ARPC5: variants seen among roughly 807,000 people sequenced by gnomAD.
ARPC5 encodes actin-related protein 2/3 complex subunit 5.
A neutral mutation model predicts 15.4 loss-of-function variants in ARPC5; 5 were observed. That is an observed-to-expected ratio of 0.32 (90% CI 0.17 to 0.68). The LOEUF (loss-of-function observed/expected upper bound fraction) is 0.68. ARPC5 is among the 30% of genes least tolerant of loss of function. The pLI is 0.71. For synonymous variants in ARPC5, 85 were observed against 72.2 expected (o/e 1.18, Z -0.90); for missense variants, 138 against 192.8 (o/e 0.72, Z 1.68).
In ARPC5 at chr1:183,623,572, G is replaced by A; in HGVS notation, c.*3960C>T. 6.6e-7 allele frequency: 1 copy of A among 1,513,868 alleles called. No homozygotes were observed. The highest frequency in any genetic ancestry group is 9.0e-7 in the Non-Finnish European group (1 of 1,115,226). The allele number at this position is 1,513,868 out of a possible 1,614,324, so 93.8% of individuals were successfully genotyped here. ...GGCAGAGGTCCCGCGGCAGGAATAT[G>A]GACAGAAGCAGCCTTGTTTAAGGGC... On this transcript the variant is annotated 3_prime_UTR_variant, in exon 4 of 4. Coordinates refer to ENST00000359856, the MANE Select transcript of ARPC5 (RefSeq NM_005717.4).
At chr1:183,632,948 T>C (rs988245444) in intron 2 of ARPC5, 134 bp downstream of exon 2, 4 of 680,668 alleles carry the variant, frequency 5.9e-6, no homozygotes, top group Middle Eastern at 2.7e-4. Context: ...TTTTTACCTA[T>C]CAAACTACAT....
At chr1:183,630,689 T>C in intron 2 of ARPC5, 52 bp from the exon 3 acceptor site, 1 of 1,530,972 alleles carries the variant, frequency 6.5e-7, no homozygotes. Flanking sequence ...ATGAGGAGGG[T>C]TTAGAATTTC....
At position 183,623,752 on chromosome 1, in the gene ARPC5, G is replaced by A. The variant is rs960774361; in HGVS notation, c.*3780C>T. The A allele has an allele frequency of 1.7e-5, 8 of 478,826 alleles. No homozygotes were observed. The highest frequency in any genetic ancestry group is 4.7e-5 in the South Asian group (2 of 42,422). 29.7% of individuals were successfully genotyped at this position (478,826 alleles called of 1,614,324 possible). On this transcript the variant is annotated 3_prime_UTR_variant, in exon 4 of 4. Transcript: ENST00000359856. ...AAAATTAATCAATCTGGCTGGGCGC[G>A]GTGGTCACGCCTGTAATCCCAGTGC...
rs772270768 is a variant in ARPC5, at chr1:183,623,430, C to A, written c.*4102G>T. ...AGATGACATGCTGTACCTCTGTGGG[C>A]TTCCCGGGCCTCCTCCATATCTGGA... On this transcript the variant is annotated 3_prime_UTR_variant, in exon 4 of 4. Coordinates refer to ENST00000359856, the MANE Select transcript of ARPC5 (RefSeq NM_005717.4). 8.2e-5 allele frequency: 127 copies of A among 1,550,356 alleles called. No homozygotes were observed. Among genetic ancestry groups the A allele is most frequent in the Non-Finnish European group, 5.3e-5 (61 of 1,146,946 alleles).
At chr1:183,628,519 G>T (rs958757180) in intron 3 of ARPC5, among the ~76,000 whole-genome samples, 2 of 152,110 alleles carry the variant, frequency 1.3e-5, no homozygotes, top group African/African-American at 2.4e-5. Flanking sequence ...TAGATGCTGG[G>T]GATACAAAAG....
Position 183,623,676 on chromosome 1 carries a change from T to G in ARPC5, c.*3856A>C, listed in dbSNP as rs913004965. Reference sequence around the variant, plus strand: ...TTATTTTGGTGCTTTTAACATATTTTGTCTGTAAGGGGATGTTAGTTGTAA... The same window carrying G: ...TTATTTTGGTGCTTTTAACATATTTGGTCTGTAAGGGGATGTTAGTTGTAA... On this transcript the variant is annotated 3_prime_UTR_variant, in exon 4 of 4. Coordinates refer to ENST00000359856, the MANE Select transcript of ARPC5 (RefSeq NM_005717.4). 1.6e-6 allele frequency: 1 copy of G among 638,766 alleles called. No individual in the cohort carries two copies. The highest frequency in any genetic ancestry group is 2.7e-6 in the Non-Finnish European group (1 of 374,310). 39.6% of individuals were successfully genotyped at this position (638,766 alleles called of 1,614,324 possible). A position where few individuals can be genotyped will look rare whatever the true frequency, so the allele number is the denominator to read the frequency against.
At position 183,635,693 on chromosome 1, in the gene ARPC5, G is replaced by A. The variant is rs367883534; in HGVS notation, c.-34C>T. On this transcript the variant is annotated 5_prime_UTR_variant, in exon 1 of 4. Transcript: ENST00000359856. Reference sequence around the variant, plus strand: ...CGACCAGCGGCAAAGGCCTCTTCTTGGCGCTGCCTCTACCTCAGCAAGCCC... The same window carrying A: ...CGACCAGCGGCAAAGGCCTCTTCTTAGCGCTGCCTCTACCTCAGCAAGCCC... The A allele has an allele frequency of 6.2e-7, 1 of 1,601,344 alleles. No homozygotes were observed. Among genetic ancestry groups the A allele is most frequent in the South Asian group, 1.1e-5 (1 of 89,276 alleles).
At chr1:183,631,959 C>T (rs549951962) in intron 2 of ARPC5, 32 of 152,218 alleles carry the variant, frequency 2.1e-4, no homozygotes, top group Non-Finnish European at 3.7e-4. Context: ...GTTTCTACCA[C>T]CTACTGTTAT....
Position 183,630,478 on chromosome 1 carries a change from G to A in ARPC5, c.376C>T (p.Leu126=). ...SPSDNSSAML[L]QWHEKALAAG... ...TAACTTACCTTTTCATGCCATTGCAGTAACATAGCACTGCTATTGTCAGAC... is the reference window on the plus strand; with the variant it reads ...TAACTTACCTTTTCATGCCATTGCAATAACATAGCACTGCTATTGTCAGAC... The change falls in exon 3 of 4, where the codon CTG becomes TTG. Residue 126 remains leucine (L), a synonymous_variant. Coordinates refer to ENST00000359856, the MANE Select transcript of ARPC5 (RefSeq NM_005717.4). 1.2e-6 allele frequency: 2 copies of A among 1,607,352 alleles called. No homozygotes were observed. The highest frequency in any genetic ancestry group is 1.1e-5 in the South Asian group (1 of 89,806).
At position 183,621,810 on chromosome 1, in the gene ARPC5, G is replaced by A. The variant is rs922562628; in HGVS notation, c.*5722C>T. The A allele has an allele frequency of 7.9e-5, 12 of 152,330 alleles. No individual in the cohort carries two copies. Among genetic ancestry groups the A allele is most frequent in the South Asian group, 4.1e-4 (2 of 4,824 alleles). The allele number at this position is 152,330 out of a possible 1,614,324, so 9.4% of individuals were successfully genotyped here. A position where few individuals can be genotyped will look rare whatever the true frequency, so the allele number is the denominator to read the frequency against. On this transcript the variant is annotated 3_prime_UTR_variant, in exon 4 of 4. Coordinates refer to ENST00000359856, the MANE Select transcript of ARPC5 (RefSeq NM_005717.4). The stretch of plus-strand genomic sequence containing the variant: ...CAGAGGTCACTTTCATTGCCATCTT[G>A]GATTTGGTGGGTTTTGGCCAGCTTC...
Position 183,622,235 on chromosome 1 carries a change from T to A in ARPC5, c.*5297A>T, listed in dbSNP as rs1186645285. On this transcript the variant is annotated 3_prime_UTR_variant, in exon 4 of 4. Transcript: ENST00000359856. ...TTGGTTGTCAAAAGAGGAACTAGGG[T>A]GGAATGGAAAATTACCACAGTACAT... 1 of 152,094 alleles carries A rather than the reference T, an allele frequency of 6.6e-6. No individual in the cohort carries two copies. Among genetic ancestry groups the A allele is most frequent in the East Asian group, 1.9e-4 (1 of 5,198 alleles). The allele number at this position is 152,094 out of a possible 1,614,324, so 9.4% of individuals were successfully genotyped here.
At chr1:183,632,243 T>C (rs1028215311) in intron 2 of ARPC5, 1 of 152,184 alleles carries the variant, frequency 6.6e-6, no homozygotes, top group Admixed American at 6.5e-5. Flanking sequence ...GTAAATAGGT[T>C]AAGAATTAGT....
chr1:183,635,479 C>A (rs766711249), intron 1 of ARPC5, 38 bp downstream of exon 1: 2 of 969,838 alleles, frequency 2.1e-6, no homozygotes, highest in Non-Finnish European at 3.0e-6. Flanking sequence ...GCGGGCTGGG[C>A]TGGGCTGGGG....
In ARPC5 at chr1:183,630,588, T is replaced by C. The variant is rs1428639914; in HGVS notation, c.266A>G (p.Asn89Ser). 2.5e-6 allele frequency: 4 copies of C among 1,614,028 alleles called. No homozygotes were observed. Among genetic ancestry groups the C allele is most frequent in the Non-Finnish European group, 3.4e-6 (4 of 1,180,010 alleles). The change falls in exon 3 of 4, where the codon AAT (asparagine) becomes AGT (serine). Residue 89 changes from asparagine (N) to serine (S), a missense_variant. Physicochemically the swap from Asn to Ser is conservative, Grantham distance 46. Transcript: ENST00000359856. Reference sequence around the variant, plus strand: ...AGATTGAACTGCCTTTTCTATATCATTAGCTTTAAAAGAGATGAGCACCTT... The same window carrying C: ...AGATTGAACTGCCTTTTCTATATCACTAGCTTTAAAAGAGATGAGCACCTT... ...VLKVLISFKANDIEKAVQSLD... is the reference protein window; with the variant it reads ...VLKVLISFKASDIEKAVQSLD...
chr1:183,633,882 A>G (rs6698036), intron 1 of ARPC5: 12,516 of 152,256 alleles, frequency 0.082, 1,019 homozygotes, highest in African/African-American at 0.21. Flanking sequence ...AGAATGTACA[A>G]ACATTCCCCT....
At position 183,623,562 on chromosome 1, in the gene ARPC5, G is replaced by C; in HGVS notation, c.*3970C>G. On this transcript the variant is annotated 3_prime_UTR_variant, in exon 4 of 4. Transcript: ENST00000359856. ...GAGGGAGTGGGGCAGAGGTCCCGCG[G>C]CAGGAATATGGACAGAAGCAGCCTT... 3 of 1,532,280 alleles carry C rather than the reference G, an allele frequency of 2.0e-6. No homozygotes were observed. The Admixed American group carries it at 5.9e-5, about 30-fold the overall frequency. The allele number at this position is 1,532,280 out of a possible 1,614,324, so 94.9% of individuals were successfully genotyped here. A position where few individuals can be genotyped will look rare whatever the true frequency, so the allele number is the denominator to read the frequency against.
Position 183,623,478 on chromosome 1 carries a change from A to G in ARPC5, c.*4054T>C, listed in dbSNP as rs1160768098. 5.8e-6 allele frequency: 9 copies of G among 1,550,232 alleles called. No individual in the cohort carries two copies. In the East Asian group the frequency reaches 2.0e-4, roughly 34 times the overall value. On this transcript the variant is annotated 3_prime_UTR_variant, in exon 4 of 4. Transcript: ENST00000359856. The stretch of plus-strand genomic sequence containing the variant: ...GGAATCATACAAGAGGCACCTGCAC[A>G]GAACGTTTTCACATTGGGGTTTTCA...
In ARPC5 at chr1:183,633,147, T is replaced by C; in HGVS notation, c.151A>G (p.Met51Val). ...AGAGCTGCCTGTAGGGCAGCTGTCA[T>C]GTTTCCTGTGATGGAAGTTAAGGGT... is the stretch of plus-strand genomic sequence containing the variant. Reference protein sequence around the residue: ...EVDSCLRQGNMTAALQAALKN... With the variant: ...EVDSCLRQGNVTAALQAALKN... Residue 51 changes from methionine (M) to valine (V), a missense_variant, in exon 2 of 4, where the codon ATG (methionine) becomes GTG (valine). This residue lies in a region of ARPC5 where 121 missense variants were observed against 153.7 expected (regional missense o/e 0.79). Coordinates refer to ENST00000359856, the MANE Select transcript of ARPC5 (RefSeq NM_005717.4). 6.2e-7 allele frequency: 1 copy of C among 1,600,246 alleles called. No homozygotes were observed. The highest frequency in any genetic ancestry group is 8.5e-7 in the Non-Finnish European group (1 of 1,174,960).
In ARPC5 at chr1:183,623,141, A is replaced by T. The variant is rs1433816918; in HGVS notation, c.*4391T>A. 2.4e-6 allele frequency: 1 copy of T among 415,722 alleles called. No homozygotes were observed. Among genetic ancestry groups the T allele is most frequent in the Non-Finnish European group, 4.5e-6 (1 of 222,982 alleles). The allele number at this position is 415,722 out of a possible 1,614,324, so 25.8% of individuals were successfully genotyped here. ...TCTTGCAGAGCAGGAGCTAACTGCT[A>T]GGCTGGAAAATACGGGAGTTTTAGA... is the stretch of plus-strand genomic sequence containing the variant. On this transcript the variant is annotated 3_prime_UTR_variant, in exon 4 of 4. Transcript: ENST00000359856.
Sources: gnomAD v4.1 joint callset for allele counts (sites outside exome capture counted in the v4.1 genomes callset) on GRCh38, gnomAD v4.1.1 for gene constraint, gnomAD v4.1.1 regional missense constraint, MANE v1.5 for transcripts, NCBI Gene and HGNC (gene_info 2026-07-23, HGNC 2026-07-21) for gene names.